Variants in LRP2 observed in about 807,000 individuals in gnomAD.
LRP2 encodes low-density lipoprotein receptor-related protein 2.
In LRP2, 172 loss-of-function variants were observed where a neutral mutation model predicts 531.0. The ratio of observed to expected loss-of-function variants is 0.32; its 90% confidence interval spans 0.29 to 0.37. LRP2 has a LOEUF of 0.37. Among genes scored for constraint, LRP2 ranks in the 10% least tolerant of loss-of-function variants. The pLI, the probability that LRP2 is intolerant of heterozygous loss-of-function variation, is 1.00. For missense variants in LRP2, 5,167 were observed against 5,868.3 expected (o/e 0.88, Z 3.90); for synonymous variants, 1,992 against 2,027.6 (o/e 0.98, Z 0.47).
rs1157801460 is a variant in LRP2 at position 169,173,300 on chromosome 2, G to A, written c.11015-76C>T. The A allele has an allele frequency of 2.6e-6, 4 of 1,566,344 alleles. No homozygotes were observed. The East Asian group carries it at 9.0e-5, about 35-fold the overall frequency. ...CTTTCCATTGTCACATTGAGGTTGT[G>A]GTACTGAGGAATAACAATGACCATG... On this transcript the variant is annotated intron_variant, in intron 56 of 78. Coordinates refer to ENST00000649046, the MANE Select transcript of LRP2 (RefSeq NM_004525.3).
At chr2:169,311,049 C>A (rs536604795) in intron 3 of LRP2, among the ~76,000 whole-genome samples, 66 of 152,184 alleles carry the variant, frequency 4.3e-4, no homozygotes, top group African/African-American at 1.5e-3. Flanking sequence ...GTGGTGATAT[C>A]CCCTTTATCA....
intron 48 of LRP2, 43 bp from the exon 49 acceptor site, chr2:169,188,308 T>A (rs201655734): frequency 6.3e-7 from 1 of 1,594,668 alleles, no homozygotes; most frequent in South Asian, 1.1e-5. Flanking sequence ...AGGTTGGCAA[T>A]AAACCTCAAC....
chr2:169,343,663 C>A (rs114906888), intron 1 of LRP2, among the ~76,000 whole-genome samples: 37 of 152,276 alleles, frequency 2.4e-4, no homozygotes, highest in Admixed American at 4.6e-4. Context: ...AGCAGTCGAG[C>A]TAAATCTCTG....
chr2:169,197,379 C>A (rs1688041412), intron 45 of LRP2, among the ~76,000 whole-genome samples: 1 of 152,040 alleles, frequency 6.6e-6, no homozygotes, highest in Non-Finnish European at 1.5e-5. Context: ...AAATAAATTC[C>A]ATTGCAATGA....
intron 4 of LRP2, among the ~76,000 whole-genome samples, chr2:169,300,435 T>TA (rs59551931): frequency 0.23 from 34,884 of 151,610 alleles, 4,393 homozygotes; most frequent in Admixed American, 0.39. Flanking sequence ...CAGTGGGTTC[T>TA]AAAAAAAGGA....
chr2:169,343,811 T>C (rs1274370104), intron 1 of LRP2, among the ~76,000 whole-genome samples: 1 of 152,192 alleles, frequency 6.6e-6, no homozygotes, highest in Non-Finnish European at 1.5e-5. Context: ...GAATTTTGCT[T>C]GGCAGCCAGT....
chr2:169,182,293 A>C lies in LRP2; in HGVS notation c.9872T>G (p.Leu3291Arg). The C allele has an allele frequency of 1.2e-6, 2 of 1,614,006 alleles. No individual in the cohort carries two copies. The highest frequency in any genetic ancestry group is 1.3e-5 in the African/African-American group (1 of 75,062). ...GAGGTCAGAGACAAAGAGGCCATCC[A>C]GGCGGGCATCCAACCAGTAGAGCTT... ...SRKLYWLDAR[L>R]DGLFVSDLNG... The change falls in exon 51 of 79, where the codon CTG becomes CGG. Residue 3291 changes from leucine (L) to arginine (R), a missense_variant. Around this residue, in one of 6 missense-constraint regions of LRP2, gnomAD observed 1,129 missense variants for 1,362.7 expected, o/e 0.83. Coordinates refer to ENST00000649046, the MANE Select transcript of LRP2 (RefSeq NM_004525.3).
intron 3 of LRP2, among the ~76,000 whole-genome samples, chr2:169,317,670 G>T (rs572711240): frequency 6.6e-5 from 10 of 152,216 alleles, no homozygotes; most frequent in Admixed American, 1.3e-4. Flanking sequence ...ATACAAGAAT[G>T]ATTTTAAATT....
intron 57 of LRP2, among the ~76,000 whole-genome samples, chr2:169,172,865 C>T (rs557798638): frequency 2.0e-4 from 31 of 152,298 alleles, no homozygotes; most frequent in Admixed American, 1.4e-3. Context: ...ATCTTAATAA[C>T]GTCTTCCTCA....
At position 169,220,525 on chromosome 2, in the gene LRP2, T is replaced by A. The variant is rs753604733; in HGVS notation, c.5577A>T (p.Thr1859=). 1 of 1,613,518 alleles carries A rather than the reference T, an allele frequency of 6.2e-7. No homozygotes were observed. Among genetic ancestry groups the A allele is most frequent in the Admixed American group, 1.7e-5 (1 of 59,956 alleles). The change falls in exon 34 of 79, where the codon ACA becomes ACT. Residue 1859 remains threonine (T), a synonymous_variant. Coordinates refer to ENST00000649046, the MANE Select transcript of LRP2 (RefSeq NM_004525.3). ...TLHGDIRYRK[T]LIANDGTALG... ...GAGCTGTCCCATCATTGGCAATCAA[T>A]GTTTTTCTGTATCTGATATCTCCGT...
chr2:169,235,699 C>A, intron 29 of LRP2, 141 bp downstream of exon 29: 2 of 708,528 alleles, frequency 2.8e-6, no homozygotes, highest in Admixed American at 2.0e-5. Context: ...TAGACTGCCT[C>A]TCACTGTTGC....
chr2:169,170,420 G>A, intron 59 of LRP2, 131 bp downstream of exon 59: 5 of 776,752 alleles, frequency 6.4e-6, no homozygotes, highest in Non-Finnish European at 1.2e-5. Context: ...AAGATACTGT[G>A]TTATGCTAAG....
intron 45 of LRP2, 137 bp downstream of exon 45, chr2:169,198,649 G>T: frequency 1.0e-6 from 1 of 974,676 alleles, no homozygotes; most frequent in Non-Finnish European, 1.6e-6. Flanking sequence ...GAAAGCAACT[G>T]CCTACCACCT....
At chr2:169,355,878 G>C (rs1462766362) in intron 1 of LRP2, among the ~76,000 whole-genome samples, 2 of 152,148 alleles carry the variant, frequency 1.3e-5, no homozygotes, top group Non-Finnish European at 2.9e-5. Context: ...CTAATTATCT[G>C]TATCTTTTCA....
In LRP2 at chr2:169,279,436, G is replaced by A. The variant is rs760488801; in HGVS notation, c.1501C>T (p.Arg501Trp). The change falls in exon 12 of 79, where the codon CGG (arginine) becomes TGG (tryptophan). Residue 501 changes from arginine to tryptophan, a missense_variant. Arg to Trp is a moderately radical substitution (Grantham distance 101). Around this residue, in one of 6 missense-constraint regions of LRP2, gnomAD observed 2,811 missense variants for 3,058.0 expected, o/e 0.92. Transcript: ENST00000649046. ...AAGTTTTCAGTTATAAGGGTAACCC[G>A]ATAGCTTCCATCCAAATTTACCATA... is the stretch of plus-strand genomic sequence containing the variant. The part of the protein sequence containing the change: ...IDMVNLDGSY[R>W]VTLITENLGH... 26 of 1,613,916 alleles carry A rather than the reference G, an allele frequency of 1.6e-5. No homozygotes were observed. The highest frequency in any genetic ancestry group is 1.6e-4 in the Middle Eastern group (1 of 6,080).
chr2:169,351,874 G>A lies in LRP2; in HGVS notation c.79+10447C>T, dbSNP rs114195917. Among the ~76,000 whole-genome samples, 966 of 152,290 alleles carry A rather than the reference G, an allele frequency of 6.3e-3. 13 individuals carry two copies. The highest frequency in any genetic ancestry group is 0.022 in the African/African-American group (903 of 41,548). ...AGATAAAGGGGCCAAGCTGCTGAGCGCGTATGTATGCAGGGAAGTGAAATT... is the reference window on the plus strand; with the variant it reads ...AGATAAAGGGGCCAAGCTGCTGAGCACGTATGTATGCAGGGAAGTGAAATT... On this transcript the variant is annotated intron_variant, in intron 1 of 78. Coordinates refer to ENST00000649046, the MANE Select transcript of LRP2 (RefSeq NM_004525.3).
chr2:169,315,605 G>A (rs975461413), intron 3 of LRP2, among the ~76,000 whole-genome samples: 2 of 152,148 alleles, frequency 1.3e-5, no homozygotes, highest in Non-Finnish European at 2.9e-5. Context: ...AATAGCAAAT[G>A]ATAGACATAG....
At chr2:169,357,847 T>C (rs548362744) in intron 1 of LRP2, among the ~76,000 whole-genome samples, 5 of 152,180 alleles carry the variant, frequency 3.3e-5, no homozygotes, top group African/African-American at 1.2e-4. Context: ...GAACAATGAT[T>C]ATGACCTAAT....
chr2:169,185,109 C>T (rs947207784), intron 50 of LRP2, among the ~76,000 whole-genome samples: 5 of 152,118 alleles, frequency 3.3e-5, no homozygotes, highest in African/African-American at 1.2e-4. Flanking sequence ...GAGCAAGGGC[C>T]ATGTCTGCCT....
Sources: gnomAD v4.1 joint callset for allele counts (sites outside exome capture counted in the v4.1 genomes callset) on GRCh38, gnomAD v4.1.1 for gene constraint, gnomAD v4.1.1 regional missense constraint, MANE v1.5 for transcripts, NCBI Gene and HGNC (gene_info 2026-07-23, HGNC 2026-07-21) for gene names.